ZNF487: variants seen among roughly 807,000 people sequenced by gnomAD.
ZNF487 encodes KRAB domain only 1.
Under a neutral mutation model 3.0 loss-of-function variants are expected in ZNF487, and 4 were observed. That is an observed-to-expected ratio of 1.35 (90% CI 0.66 to 3.08). The LOEUF (loss-of-function observed/expected upper bound fraction) is 3.08. ZNF487 is among the 30% of genes most tolerant of loss of function. ZNF487 has a pLI of 0.01. For synonymous variants in ZNF487, 55 were observed against 34.6 expected, an observed-to-expected ratio of 1.59 and a Z score of -2.06; for missense variants, 146 against 98.7, an observed-to-expected ratio of 1.48 and a Z score of -2.03.
rs1841230825 is a variant in ZNF487 at position 43,479,518 on chromosome 10, A to T, written c.131-1911A>T. ...TAAGGATAATAGAATAGTAAAGAAC[A>T]CTGTCACTATTACATCATCCTTCAA... On this transcript the variant is annotated intron_variant, in intron 3 of 3. Transcript: ENST00000437590. Among the ~76,000 whole-genome samples the T allele has an allele frequency of 4.6e-5, 7 of 152,236 alleles. No individual in the cohort carries two copies. The South Asian group carries it at 1.5e-3, about 32-fold the overall frequency.
chr10:43,460,435 G>C (rs1189898927), intron 1 of ZNF487, among the ~76,000 whole-genome samples: 2 of 146,722 alleles, frequency 1.4e-5, no homozygotes, highest in African/African-American at 5.2e-5. Context: ...GAGTGCAGTG[G>C]CATGATCTCA....
intron 1 of ZNF487, among the ~76,000 whole-genome samples, chr10:43,441,060 T>TTTTTTTTTTTG (rs1839587945): frequency 7.6e-6 from 1 of 131,432 alleles, no homozygotes; most frequent in African/African-American, 2.9e-5. Flanking sequence ...TTTTTTTTTT[T>TTTTTTTTTTTG]TTTTTTTTGG....
At chr10:43,492,085 C>T in the ZNF487 span, among the ~76,000 whole-genome samples, 16 of 151,730 alleles carry the variant, frequency 1.1e-4, no homozygotes, top group Admixed American at 3.3e-4. Flanking sequence ...ACAGCCACCA[C>T]GCTGCCACAT....
intron 3 of ZNF487, 93 bp downstream of exon 3, chr10:43,476,295 G>A (rs535943823): frequency 1.6e-6 from 1 of 643,392 alleles, no homozygotes; most frequent in Non-Finnish European, 2.8e-6. Flanking sequence ...AAATTTTTCA[G>A]AGATATGTTT....
chr10:43,452,451 G>T (rs1840042823), intron 1 of ZNF487: 1 of 152,126 alleles, frequency 6.6e-6, no homozygotes, highest in African/African-American at 2.4e-5. Context: ...ACCCAGGCTG[G>T]CGTGCAGGGC....
At chr10:43,464,958 G>C (rs1023900057) in intron 1 of ZNF487, among the ~76,000 whole-genome samples, 1 of 151,746 alleles carries the variant, frequency 6.6e-6, no homozygotes, top group South Asian at 2.1e-4. Flanking sequence ...GGGCAGAGGC[G>C]CCCCTCACCT....
the ZNF487 span, among the ~76,000 whole-genome samples, chr10:43,521,550 C>A: frequency 2.0e-5 from 3 of 152,102 alleles, no homozygotes; most frequent in African/African-American, 7.2e-5. Flanking sequence ...AGAGCATGGC[C>A]TTGTTCAGTT....
rs1839417101 is a variant in ZNF487 at position 43,437,171 on chromosome 10, A to G, written c.-185A>G. On this transcript the variant is annotated 5_prime_UTR_variant, in exon 1 of 4. Transcript: ENST00000437590. ...CAACAAGCCTGTAAGTTCCTCAGCT[A>G]CGACTACCAGGTACCTCGGGTTCCT... 7.4e-6 allele frequency: 2 copies of G among 270,668 alleles called. No individual in the cohort carries two copies. Among genetic ancestry groups the G allele is most frequent in the Non-Finnish European group, 1.5e-5 (2 of 136,178 alleles). 16.8% of individuals were successfully genotyped at this position (270,668 alleles called of 1,614,324 possible).
the ZNF487 span, among the ~76,000 whole-genome samples, chr10:43,518,695 T>C: frequency 7.2e-5 from 11 of 152,196 alleles, no homozygotes; most frequent in African/African-American, 2.2e-4. Context: ...ATCTATTAGA[T>C]GGATGGATGG....
At chr10:43,457,736 C>A (rs1055255803) in intron 1 of ZNF487, among the ~76,000 whole-genome samples, 1 of 148,304 alleles carries the variant, frequency 6.7e-6, no homozygotes, top group Non-Finnish European at 1.5e-5. Context: ...AGAGTTACAG[C>A]TCTTTGCCGG....
the ZNF487 span, among the ~76,000 whole-genome samples, chr10:43,493,607 C>T: frequency 2.7e-5 from 4 of 149,068 alleles, no homozygotes; most frequent in African/African-American, 5.0e-5. Flanking sequence ...GGGAGGATCA[C>T]TTGAGCCTGG....
intron 1 of ZNF487, among the ~76,000 whole-genome samples, chr10:43,475,506 C>A (rs1027535083): frequency 2.6e-5 from 4 of 151,398 alleles, no homozygotes; most frequent in African/African-American, 9.7e-5. Context: ...TAGCGCAAGA[C>A]CCCGTCTGAA....
At chr10:43,458,597 A>G (rs74902472) in intron 1 of ZNF487, among the ~76,000 whole-genome samples, 2 of 150,590 alleles carry the variant, frequency 1.3e-5, no homozygotes, top group African/African-American at 4.8e-5. Context: ...AAGCCCCTTA[A>G]AAACAAAAAA....
chr10:43,493,709 A>ATATATATATATAT, the ZNF487 span, among the ~76,000 whole-genome samples: 2 of 43,684 alleles, frequency 4.6e-5, no homozygotes, highest in Admixed American at 4.4e-4. Flanking sequence ...AAAAAAAAAA[A>ATATATATATATAT]ATATATATAT....
At chr10:43,517,868 G>A in the ZNF487 span, among the ~76,000 whole-genome samples, 6 of 152,154 alleles carry the variant, frequency 3.9e-5, no homozygotes, top group African/African-American at 1.4e-4. Context: ...GAGGATCCCT[G>A]TGAGATTAAC....
At chr10:43,449,894 G>T (rs1277066425) in intron 1 of ZNF487, among the ~76,000 whole-genome samples, 6 of 151,962 alleles carry the variant, frequency 3.9e-5, no homozygotes, top group East Asian at 1.9e-4. Flanking sequence ...TGGCCAGGCT[G>T]GTCTCGAACT....
At chr10:43,447,947 T>A (rs1839869887) in intron 1 of ZNF487, among the ~76,000 whole-genome samples, 1 of 152,074 alleles carries the variant, frequency 6.6e-6, no homozygotes, top group African/African-American at 2.4e-5. Flanking sequence ...CTCTTAGGGA[T>A]TACTCTCTGT....
At chr10:43,492,614 G>A in the ZNF487 span, among the ~76,000 whole-genome samples, 1 of 151,844 alleles carries the variant, frequency 6.6e-6, no homozygotes, top group South Asian at 2.1e-4. Context: ...ACCACGCCCG[G>A]CTAATTTTTT....
At chr10:43,499,096 G>A in the ZNF487 span, among the ~76,000 whole-genome samples, 126 of 152,304 alleles carry the variant, frequency 8.3e-4, no homozygotes, top group African/African-American at 2.8e-3. Context: ...TTGTTTTTCC[G>A]AAGACACGTT....
Sources: allele counts gnomAD v4.1 joint callset (sites outside exome capture counted in the v4.1 genomes callset), GRCh38; gene constraint gnomAD v4.1.1; transcripts MANE v1.5; gene names NCBI Gene and HGNC (gene_info 2026-07-23, HGNC 2026-07-21).